PBX1: variants seen among roughly 807,000 people sequenced by gnomAD.
PBX1 encodes pre-B-cell leukemia transcription factor 1.
A neutral mutation model predicts 53.4 loss-of-function variants in PBX1; 6 were observed. That is an observed-to-expected ratio of 0.11 (90% confidence interval 0.06 to 0.22). The LOEUF is 0.22. Ranked by LOEUF, PBX1 falls within the 10% of genes least tolerant of loss-of-function variation. The probability of loss-of-function intolerance (pLI) is 1.00; values close to 1 mark genes in which losing one functional copy is unlikely to be tolerated. For missense variants in PBX1, 251 were observed against 551.4 expected (o/e 0.46, Z 5.46); for synonymous variants, 204 against 212.3 (o/e 0.96, Z 0.34).
At chr1:164,758,675 C>T (rs1400203595) in intron 2 of PBX1, among the ~76,000 whole-genome samples, 1 of 152,146 alleles carries the variant, frequency 6.6e-6, no homozygotes, top group African/African-American at 2.4e-5. Context: ...ATACTTGGCC[C>T]CTTCAAAGTA....
chr1:164,737,138 C>T (rs1665337565), intron 2 of PBX1, among the ~76,000 whole-genome samples: 1 of 152,178 alleles, frequency 6.6e-6, no homozygotes, highest in Non-Finnish European at 1.5e-5. Context: ...CGCCCATTTT[C>T]TCAGCACCTG....
intron 2 of PBX1, among the ~76,000 whole-genome samples, chr1:164,570,576 A>G (rs1179384555): frequency 6.6e-6 from 1 of 152,186 alleles, no homozygotes; most frequent in East Asian, 1.9e-4. Context: ...CATGGTGTAT[A>G]TGTGCCACAT....
chr1:164,868,663 T>C (rs1287459425), intron 2 of PBX1, among the ~76,000 whole-genome samples: 1 of 152,208 alleles, frequency 6.6e-6, no homozygotes, highest in Non-Finnish European at 1.5e-5. Context: ...GCTCTTGCTT[T>C]CTTTAAACAT....
chr1:164,735,362 G>A lies in PBX1; in HGVS notation c.266-57132G>A, dbSNP rs1318992321. On this transcript the variant is annotated intron_variant, in intron 2 of 8. Transcript: ENST00000420696. ...CGCAGATTTAATGTAAGTATAGATT[G>A]GTATTGGTCTGTGCCTACATGTATG... 3.9e-5 allele frequency among the ~76,000 whole-genome samples: 6 copies of A among 152,280 alleles called. No individual in the cohort carries two copies. The East Asian group carries it at 1.2e-3, about 29-fold the overall frequency.
chr1:164,623,124 T>G (rs933184788), intron 2 of PBX1, among the ~76,000 whole-genome samples: 1 of 152,184 alleles, frequency 6.6e-6, no homozygotes, highest in Non-Finnish European at 1.5e-5. Flanking sequence ...GTTGCCATCT[T>G]TTTTATGTGC....
At chr1:164,856,861 C>T (rs931168167) in intron 2 of PBX1, among the ~76,000 whole-genome samples, 6 of 152,190 alleles carry the variant, frequency 3.9e-5, no homozygotes, top group South Asian at 2.1e-4. Context: ...GGTCCCCTAT[C>T]TGCTGCTTTG....
At chr1:164,704,382 A>G (rs1663304862) in intron 2 of PBX1, among the ~76,000 whole-genome samples, 1 of 152,224 alleles carries the variant, frequency 6.6e-6, no homozygotes, top group Non-Finnish European at 1.5e-5. Flanking sequence ...TTATTGCTCT[A>G]TAGTGGCATT....
At chr1:164,746,170 G>A (rs1476162586) in intron 2 of PBX1, among the ~76,000 whole-genome samples, 3 of 152,172 alleles carry the variant, frequency 2.0e-5, no homozygotes, top group African/African-American at 7.2e-5. Context: ...AGTATGTAGA[G>A]GTATGTTTCC....
chr1:164,583,255 G>C (rs1654738398), intron 2 of PBX1, among the ~76,000 whole-genome samples: 1 of 151,582 alleles, frequency 6.6e-6, no homozygotes. Context: ...AGAATTTGGG[G>C]TTTGGATCTT....
intron 2 of PBX1, among the ~76,000 whole-genome samples, chr1:164,757,515 T>G (rs1183581286): frequency 2.0e-5 from 3 of 152,188 alleles, no homozygotes; most frequent in Non-Finnish European, 4.4e-5. Flanking sequence ...AAGTAATGTT[T>G]TAGCTTTCAA....
intron 2 of PBX1, among the ~76,000 whole-genome samples, chr1:164,671,184 T>C (rs1457971008): frequency 6.1e-5 from 6 of 97,882 alleles, no homozygotes; most frequent in African/African-American, 2.6e-4. Flanking sequence ...AAGATAGCCC[T>C]TTTTTTTTTT....
intron 2 of PBX1, chr1:164,770,101 T>A (rs554965976): frequency 1.3e-5 from 2 of 152,294 alleles, no homozygotes; most frequent in East Asian, 3.9e-4. Context: ...ACAATGTAGG[T>A]GAGATAAAAT....
intron 2 of PBX1, among the ~76,000 whole-genome samples, chr1:164,862,786 C>T (rs761504531): frequency 6.6e-6 from 1 of 152,174 alleles, no homozygotes; most frequent in Non-Finnish European, 1.5e-5. Context: ...GTGTTGAGAG[C>T]TAAGGATCTT....
chr1:164,803,011 C>T (rs1042848798), intron 4 of PBX1, among the ~76,000 whole-genome samples: 1 of 152,030 alleles, frequency 6.6e-6, no homozygotes, highest in African/African-American at 2.4e-5. Flanking sequence ...CGTCTGTATA[C>T]TTCACTGCAA....
intron 2 of PBX1, among the ~76,000 whole-genome samples, chr1:164,739,264 A>G (rs1665467321): frequency 6.6e-6 from 1 of 152,198 alleles, no homozygotes; most frequent in African/African-American, 2.4e-5. Flanking sequence ...TTTGCCTAAA[A>G]TGGGCTCCAC....
chr1:164,667,875 ATTG>A (rs1254836374), intron 2 of PBX1, among the ~76,000 whole-genome samples: 3 of 152,140 alleles, frequency 2.0e-5, no homozygotes, highest in Non-Finnish European at 2.9e-5. Context: ...CACTTCCTGT[ATTG>A]TTGTTTCCTA....
At chr1:164,753,766 G>A (rs1325379072) in intron 2 of PBX1, among the ~76,000 whole-genome samples, 3 of 152,156 alleles carry the variant, frequency 2.0e-5, no homozygotes, top group African/African-American at 2.4e-5. Flanking sequence ...GTTACTCCTC[G>A]TATGTTAGCA....
intron 2 of PBX1, among the ~76,000 whole-genome samples, chr1:164,601,950 C>T (rs1225605114): frequency 6.6e-6 from 1 of 152,130 alleles, no homozygotes; most frequent in East Asian, 1.9e-4. Flanking sequence ...GCCATGCACC[C>T]TAGGAGTGGG....
chr1:164,668,560 C>T (rs909181559), intron 2 of PBX1, among the ~76,000 whole-genome samples: 12 of 152,118 alleles, frequency 7.9e-5, no homozygotes, highest in African/African-American at 1.4e-4. Flanking sequence ...AGGGAGCCTC[C>T]GAGCCCTGCC....
Sources: gnomAD v4.1 joint callset for allele counts (sites outside exome capture counted in the v4.1 genomes callset) on GRCh38, gnomAD v4.1.1 for gene constraint, MANE v1.5 for transcripts, NCBI Gene and HGNC (gene_info 2026-07-23, HGNC 2026-07-21) for gene names.